SS18L1: variants seen among roughly 807,000 people sequenced by gnomAD.
SS18L1 encodes SS18L1 subunit of BAF chromatin remodeling complex.
In SS18L1, 32 loss-of-function variants were observed where a neutral mutation model predicts 70.3. The ratio of observed to expected loss-of-function variants is 0.46; its 90% CI spans 0.34 to 0.61. SS18L1 has a LOEUF of 0.61. Ranked by LOEUF, SS18L1 falls within the 20% of genes least tolerant of loss-of-function variation. SS18L1 has a pLI of 0.01. For missense variants in SS18L1, 430 were observed against 542.1 expected (o/e 0.79, Z 2.05); for synonymous variants, 237 against 229.7 (o/e 1.03, Z -0.29).
chr20:62,181,764 A>G lies in SS18L1; in HGVS notation c.*2556A>G, dbSNP rs373921981. ...GCCAGCAGTTCCTTTTCATTATTCT[A>G]TCTTCTGTCATATGAATGTTGAGCA... On this transcript the variant is annotated 3_prime_UTR_variant, in exon 11 of 11. Transcript: ENST00000331758. The G allele has an allele frequency of 2.7e-5, 6 of 225,188 alleles. No individual in the cohort carries two copies. The highest frequency in any genetic ancestry group is 1.8e-4 in the South Asian group (1 of 5,468). The allele number at this position is 225,188 out of a possible 1,614,324, so 13.9% of individuals were successfully genotyped here. A position where few individuals can be genotyped will look rare whatever the true frequency, so the allele number is the denominator to read the frequency against.
chr20:62,154,941 C>T (rs916137884), intron 1 of SS18L1, among the ~76,000 whole-genome samples: 2 of 152,156 alleles, frequency 1.3e-5, no homozygotes, highest in Non-Finnish European at 2.9e-5. Flanking sequence ...CATATCCCGC[C>T]CCTCTGTTGA....
intron 1 of SS18L1, chr20:62,154,363 C>T (rs552324896): frequency 9.5e-6 from 10 of 1,050,038 alleles, no homozygotes; most frequent in East Asian, 5.4e-5. Flanking sequence ...TCTGAAAGTG[C>T]GTCCATTCCC....
intron 1 of SS18L1, among the ~76,000 whole-genome samples, chr20:62,147,746 C>G (rs2057057002): frequency 6.6e-6 from 1 of 151,976 alleles, no homozygotes; most frequent in Non-Finnish European, 1.5e-5. Flanking sequence ...TGTGGGAAGA[C>G]AAGACCTTCG....
At chr20:62,152,977 G>T (rs903572991) in intron 1 of SS18L1, among the ~76,000 whole-genome samples, 2 of 152,148 alleles carry the variant, frequency 1.3e-5, no homozygotes, top group African/African-American at 2.4e-5. Flanking sequence ...TGTGTTAGTT[G>T]TTCTTACACT....
chr20:62,176,075 A>AT (rs2057615331), intron 10 of SS18L1, among the ~76,000 whole-genome samples: 1 of 152,260 alleles, frequency 6.6e-6, no homozygotes, highest in Non-Finnish European at 1.5e-5. Context: ...CTGATGTTAA[A>AT]TTAGAATTAT....
chr20:62,179,103 C>T, intron 10 of SS18L1, 79 bp from the exon 11 acceptor site: 3 of 1,519,536 alleles, frequency 2.0e-6, no homozygotes, highest in Non-Finnish European at 2.7e-6. Context: ...CTCCTACCCC[C>T]TGTCCGGGCT....
At chr20:62,155,672 C>T (rs1198843220) in intron 1 of SS18L1, among the ~76,000 whole-genome samples, 1 of 152,184 alleles carries the variant, frequency 6.6e-6, no homozygotes, top group Non-Finnish European at 1.5e-5. Flanking sequence ...GACGCCCCCT[C>T]CTCCAACCCC....
rs117904639 is a variant in SS18L1, at chr20:62,153,498, C to T, written c.70-5174C>T. On this transcript the variant is annotated intron_variant, in intron 1 of 10. Transcript: ENST00000331758. Reference sequence around the variant, plus strand: ...GTCACCCGATAAGGTCTGCCCTCCCCGCTGCACACCTGCGCTCCCCACTCA... The same window carrying T: ...GTCACCCGATAAGGTCTGCCCTCCCTGCTGCACACCTGCGCTCCCCACTCA... Among the ~76,000 whole-genome samples, 360 of 151,726 alleles carry T rather than the reference C, an allele frequency of 2.4e-3. 3 individuals are homozygous for T. Among genetic ancestry groups the T allele is most frequent in the African/African-American group, 7.7e-3 (318 of 41,368 alleles).
At position 62,167,136 on chromosome 20, in the gene SS18L1, C is replaced by T. The variant is rs1412284918; in HGVS notation, c.916+1622C>T. Among the ~76,000 whole-genome samples, 7 of 146,506 alleles carry T rather than the reference C, an allele frequency of 4.8e-5. No individual in the cohort carries two copies. In the Admixed American group the frequency reaches 4.8e-4, roughly 10 times the overall value. ...TCTTGGCTCACTGCCACCTCCGCCT[C>T]CCAGGTTCAAGCAATTCTCCTGCCT... On this transcript the variant is annotated intron_variant, in intron 8 of 10. Transcript: ENST00000331758.
chr20:62,164,642 CCT>C (rs1487815102), intron 7 of SS18L1, among the ~76,000 whole-genome samples: 1 of 152,248 alleles, frequency 6.6e-6, no homozygotes, highest in Admixed American at 6.5e-5. Flanking sequence ...ACCTGCAGCA[CCT>C]CTCCTCCTGC....
chr20:62,144,223 C>T (rs1034752725), intron 1 of SS18L1, among the ~76,000 whole-genome samples: 10 of 151,586 alleles, frequency 6.6e-5, no homozygotes, highest in Admixed American at 1.3e-4. Flanking sequence ...CCGCGGCGCG[C>T]GCTGGGAACT....
Position 62,158,677 on chromosome 20 carries a change from G to A in SS18L1, c.75G>A (p.Leu25=). The A allele has an allele frequency of 6.2e-7, 1 of 1,612,540 alleles. No homozygotes were observed. The highest frequency in any genetic ancestry group is 8.5e-7 in the Non-Finnish European group (1 of 1,179,998). ...CGCTCACGCTCTCTCCGCAGATGCT[G>A]GACGAGAACCACCACCTGATCCAGT... ...EVTQQTIQKM[L]DENHHLIQCI... The change falls in exon 2 of 11, where the codon CTG becomes CTA. Residue 25 remains leucine, a synonymous_variant. Transcript: ENST00000331758. The surrounding 1 kb of genome is among the most constrained non-coding windows in gnomAD (Gnocchi z 4.5).
chr20:62,145,548 C>G (rs958858031), intron 1 of SS18L1, among the ~76,000 whole-genome samples: 1 of 152,198 alleles, frequency 6.6e-6, no homozygotes, highest in African/African-American at 2.4e-5. Flanking sequence ...AACGTTTATC[C>G]CATTATTTGC....
rs201424303 is a variant in SS18L1, at chr20:62,158,653, G to A, written c.70-19G>A. ...CGACAGCCCCGCGTCGGCAGCGCCCGCTCACGCTCTCTCCGCAGATGCTGG... is the reference window on the plus strand; with the variant it reads ...CGACAGCCCCGCGTCGGCAGCGCCCACTCACGCTCTCTCCGCAGATGCTGG... On this transcript the variant is annotated intron_variant, in intron 1 of 10. Coordinates refer to ENST00000331758, the MANE Select transcript of SS18L1 (RefSeq NM_198935.3). This position sits in a 1 kb window ranked among gnomAD's most constrained non-coding sequence, Gnocchi z 4.5. 22 of 1,611,266 alleles carry A rather than the reference G, an allele frequency of 1.4e-5. No individual in the cohort carries two copies. The highest frequency in any genetic ancestry group is 2.7e-5 in the African/African-American group (2 of 75,062).
intron 8 of SS18L1, among the ~76,000 whole-genome samples, chr20:62,169,775 A>G (rs916986991): frequency 2.0e-5 from 3 of 148,726 alleles, no homozygotes; most frequent in African/African-American, 5.0e-5. Flanking sequence ...GCGAGACTCC[A>G]TCTCCAAAAA....
chr20:62,174,721 A>G lies in SS18L1; in HGVS notation c.1164+77A>G, dbSNP rs901417251. 1.3e-5 allele frequency: 21 copies of G among 1,610,924 alleles called. No homozygotes were observed. The highest frequency in any genetic ancestry group is 6.7e-5 in the African/African-American group (5 of 74,926). ...CATAATGAAGATTTCTCTTATGGCC[A>G]TGAGGAATAATGAGCTGGAACTAAC... is the stretch of plus-strand genomic sequence containing the variant. On this transcript the variant is annotated intron_variant, in intron 10 of 10. Transcript: ENST00000331758. The surrounding 1 kb of genome is among the most constrained non-coding windows in gnomAD (Gnocchi z 4.1).
chr20:62,152,216 C>T (rs1471349941), intron 1 of SS18L1, among the ~76,000 whole-genome samples: 3 of 152,206 alleles, frequency 2.0e-5, no homozygotes, highest in Non-Finnish European at 4.4e-5. Flanking sequence ...TCGGTCTTCA[C>T]CCGACTGGCC....
In SS18L1 at chr20:62,159,805, C is replaced by T. The variant is rs1215615373; in HGVS notation, c.147-72C>T. On this transcript the variant is annotated intron_variant, in intron 2 of 10. Transcript: ENST00000331758. This position sits in a 1 kb window ranked among gnomAD's most constrained non-coding sequence, Gnocchi z 4.4. ...GTCAGGCTGTCTTGTTCACACTTTACTTCTGCCTTGGATCCACGTGGGGAC... is the reference window on the plus strand; with the variant it reads ...GTCAGGCTGTCTTGTTCACACTTTATTTCTGCCTTGGATCCACGTGGGGAC... 6.8e-7 allele frequency: 1 copy of T among 1,464,492 alleles called. No homozygotes were observed. Among genetic ancestry groups the T allele is most frequent in the East Asian group, 2.4e-5 (1 of 41,874 alleles). 90.7% of individuals were successfully genotyped at this position (1,464,492 alleles called of 1,614,324 possible).
chr20:62,175,200 A>G (rs1025041086), intron 10 of SS18L1: 11 of 974,250 alleles, frequency 1.1e-5, no homozygotes, highest in Admixed American at 6.1e-5. Context: ...CTTTCTGCCC[A>G]GGAACAGTGA....
Sources: allele counts gnomAD v4.1 joint callset (sites outside exome capture counted in the v4.1 genomes callset), GRCh38; gene constraint gnomAD v4.1.1; non-coding constraint Gnocchi (gnomAD v3.1); transcripts MANE v1.5; gene names NCBI Gene and HGNC (gene_info 2026-07-23, HGNC 2026-07-21).